CMIP: variants seen among roughly 807,000 people sequenced by gnomAD.
CMIP encodes C-Maf-inducing protein.
A neutral mutation model predicts 97.3 loss-of-function variants in CMIP; 13 were observed. The observed-to-expected ratio is 0.13, with a 90% CI of 0.09 to 0.21. The LOEUF is 0.21. Among genes scored for constraint, CMIP ranks in the 10% least tolerant of loss-of-function variants. The pLI, the probability that CMIP is intolerant of heterozygous loss-of-function variation, is 1.00. For synonymous variants in CMIP, 538 were observed against 436.3 expected (o/e 1.23, Z -2.91); for missense variants, 847 against 1,024.9 (o/e 0.83, Z 2.37).
At chr16:81,600,204 A>T (rs1471344262) in intron 1 of CMIP, among the ~76,000 whole-genome samples, 1 of 140,558 alleles carries the variant, frequency 7.1e-6, no homozygotes, top group Admixed American at 7.4e-5. Flanking sequence ...ACTTGACGGG[A>T]GGCGGAGGTT....
intron 9 of CMIP, among the ~76,000 whole-genome samples, chr16:81,677,375 G>A (rs1172452499): frequency 3.3e-5 from 5 of 152,130 alleles, no homozygotes; most frequent in East Asian, 1.9e-4. Flanking sequence ...GCACAGAGAC[G>A]GTCGGAATCA....
intron 20 of CMIP, 22 bp from the exon 21 acceptor site, chr16:81,709,724 G>A: frequency 2.5e-6 from 4 of 1,613,700 alleles, no homozygotes; most frequent in Non-Finnish European, 3.4e-6. Context: ...CACGTGACAA[G>A]GACTCTTATT....
chr16:81,671,244 A>G (rs546769454), intron 8 of CMIP, among the ~76,000 whole-genome samples: 5 of 152,328 alleles, frequency 3.3e-5, no homozygotes, highest in African/African-American at 1.2e-4. Context: ...GCTTTGTGAC[A>G]TGCCCTCATG....
At chr16:81,636,785 C>G (rs981102615) in intron 3 of CMIP, among the ~76,000 whole-genome samples, 2 of 152,116 alleles carry the variant, frequency 1.3e-5, no homozygotes, top group African/African-American at 4.8e-5. Context: ...ACCCGTTGGT[C>G]CTCCCCCGAG....
intron 1 of CMIP, among the ~76,000 whole-genome samples, chr16:81,579,725 A>T (rs941249960): frequency 7.0e-6 from 1 of 143,364 alleles, no homozygotes; most frequent in Non-Finnish European, 1.6e-5. Context: ...CACTTAAAAA[A>T]AAATGGATCA....
At chr16:81,691,060 G>A (rs1221826316) in intron 10 of CMIP, among the ~76,000 whole-genome samples, 2 of 152,190 alleles carry the variant, frequency 1.3e-5, no homozygotes, top group Non-Finnish European at 2.9e-5. Context: ...CCTCAGTTCT[G>A]ATCACAGAAA....
chr16:81,707,248 C>G (rs890508045), intron 20 of CMIP, among the ~76,000 whole-genome samples, 164 bp downstream of exon 20: 1 of 152,210 alleles, frequency 6.6e-6, no homozygotes, highest in Non-Finnish European at 1.5e-5. Flanking sequence ...AAAGAGGAAG[C>G]AGCAGGGAAG....
rs189494297 is a variant in CMIP, at chr16:81,516,433, C to T, written c.300+70892C>T. Among the ~76,000 whole-genome samples the T allele has an allele frequency of 1.2e-4, 18 of 152,336 alleles. No homozygotes were observed. In the East Asian group the frequency reaches 2.5e-3, roughly 21 times the overall value. On this transcript the variant is annotated intron_variant, in intron 1 of 20. Transcript: ENST00000537098. ...AAAGGAGCTCTACTTCGGTTCAGCCCTTGGTTTCTGCAGATACGTGCCGTG... is the reference window on the plus strand; with the variant it reads ...AAAGGAGCTCTACTTCGGTTCAGCCTTTGGTTTCTGCAGATACGTGCCGTG...
chr16:81,633,611 C>G (rs1483789082), intron 3 of CMIP, among the ~76,000 whole-genome samples: 1 of 152,238 alleles, frequency 6.6e-6, no homozygotes, highest in Non-Finnish European at 1.5e-5. Flanking sequence ...CCGGAGCACC[C>G]TGGTGCACTT....
intron 10 of CMIP, among the ~76,000 whole-genome samples, chr16:81,689,851 C>T (rs1385682713): frequency 1.3e-5 from 2 of 152,180 alleles, no homozygotes; most frequent in Admixed American, 6.5e-5. Flanking sequence ...AGGAAGGGAT[C>T]CAGTTTCAGC....
intron 1 of CMIP, among the ~76,000 whole-genome samples, chr16:81,516,436 G>A (rs2089915256): frequency 6.6e-6 from 1 of 152,220 alleles, no homozygotes; most frequent in African/African-American, 2.4e-5. Context: ...TTCAGCCCTT[G>A]GTTTCTGCAG....
rs1254730329 is a variant in CMIP, at chr16:81,645,820, C to T, written c.478-6383C>T. 15 of 589,698 alleles carry T rather than the reference C, an allele frequency of 2.5e-5. No homozygotes were observed. In the East Asian group the frequency reaches 4.2e-4, roughly 17 times the overall value. The allele number at this position is 589,698 out of a possible 1,614,324, so 36.5% of individuals were successfully genotyped here. ...ATCAGAGCTGCTGTTTAGCCAGGAA[C>T]TGAGCTAAGTGTTTTATATATTATC... On this transcript the variant is annotated intron_variant, in intron 3 of 20. Coordinates refer to ENST00000537098, the MANE Select transcript of CMIP (RefSeq NM_198390.3).
At chr16:81,598,213 A>G (rs961284156) in intron 1 of CMIP, among the ~76,000 whole-genome samples, 1 of 151,664 alleles carries the variant, frequency 6.6e-6, no homozygotes, top group African/African-American at 2.4e-5. Context: ...ACAGGAGGGT[A>G]TCGCCTACAA....
At chr16:81,517,884 G>A (rs2150800761) in intron 1 of CMIP, 4 of 973,424 alleles carry the variant, frequency 4.1e-6, no homozygotes, top group Non-Finnish European at 4.9e-6. Flanking sequence ...GGCAGTGGCT[G>A]CAGACATCTC....
intron 20 of CMIP, among the ~76,000 whole-genome samples, chr16:81,709,137 G>T (rs893605938): frequency 6.6e-6 from 1 of 152,156 alleles, no homozygotes; most frequent in Non-Finnish European, 1.5e-5. Context: ...TCACAGAGTC[G>T]AGTAATGCAT....
intron 10 of CMIP, among the ~76,000 whole-genome samples, chr16:81,682,831 T>G (rs1348034954): frequency 6.6e-6 from 1 of 152,148 alleles, no homozygotes; most frequent in Non-Finnish European, 1.5e-5. Flanking sequence ...TAACCTAAGT[T>G]GCAAAAATTT....
At chr16:81,637,629 A>T (rs1329685023) in intron 3 of CMIP, among the ~76,000 whole-genome samples, 2 of 150,958 alleles carry the variant, frequency 1.3e-5, no homozygotes, top group African/African-American at 2.4e-5. Context: ...TCCGTTTGTG[A>T]TGATGCACAC....
intron 1 of CMIP, among the ~76,000 whole-genome samples, chr16:81,478,425 A>C (rs1332531544): frequency 6.6e-6 from 1 of 152,160 alleles, no homozygotes; most frequent in African/African-American, 2.4e-5. Flanking sequence ...CCTGCCGGAG[A>C]AGATAGTGAG....
chr16:81,504,638 T>C (rs2089672135), intron 1 of CMIP, among the ~76,000 whole-genome samples: 1 of 56,660 alleles, frequency 1.8e-5, no homozygotes, highest in African/African-American at 9.2e-5. Flanking sequence ...GTGAGACTCG[T>C]CTCAAAAAAA....
Sources: allele counts gnomAD v4.1 joint callset (sites outside exome capture counted in the v4.1 genomes callset), GRCh38; gene constraint gnomAD v4.1.1; transcripts MANE v1.5; gene names NCBI Gene and HGNC (gene_info 2026-07-23, HGNC 2026-07-21).